Variants in LRRCC1 observed in about 807,000 individuals in gnomAD.
LRRCC1 encodes leucine rich repeat and coiled-coil centrosomal protein 1.
In LRRCC1, 115 loss-of-function variants were observed where a neutral mutation model predicts 126.0. That is an observed-to-expected ratio of 0.91 (90% CI 0.78 to 1.07). The LOEUF (loss-of-function observed/expected upper bound fraction) is 1.07, where lower values mean the gene tolerates loss of function less well. Among genes scored for constraint, LRRCC1 ranks in the 50% least tolerant of loss-of-function variants. The pLI, the probability that LRRCC1 is intolerant of heterozygous loss-of-function variation, is 0.00. For missense variants in LRRCC1, 1,172 were observed against 1,175.7 expected (o/e 1.00, Z 0.05); for synonymous variants, 400 against 393.4 (o/e 1.02, Z -0.20).
chr8:85,143,863 T>G (rs1811435779), intron 18 of LRRCC1, among the ~76,000 whole-genome samples: 1 of 152,100 alleles, frequency 6.6e-6, no homozygotes, highest in African/African-American at 2.4e-5. Flanking sequence ...AATATGATAA[T>G]TAGGTTTGCA....
chr8:85,107,954 ATATT>A (rs1278424620), intron 1 of LRRCC1, among the ~76,000 whole-genome samples: 1 of 152,232 alleles, frequency 6.6e-6, no homozygotes, highest in African/African-American at 2.4e-5. Flanking sequence ...TAAACTTACT[ATATT>A]TAGTTCATCG....
At chr8:85,126,041 C>T (rs1032062066) in intron 8 of LRRCC1, among the ~76,000 whole-genome samples, 2 of 152,046 alleles carry the variant, frequency 1.3e-5, no homozygotes, top group African/African-American at 2.4e-5. Flanking sequence ...CAAGTTTGTT[C>T]GAGATTAGAT....
chr8:85,125,635 T>C (rs1809925626), intron 8 of LRRCC1, among the ~76,000 whole-genome samples: 2 of 119,200 alleles, frequency 1.7e-5, no homozygotes, highest in South Asian at 5.8e-4. Flanking sequence ...ATCCCGCCAC[T>C]GCACTCCAGC....
intron 6 of LRRCC1, among the ~76,000 whole-genome samples, chr8:85,118,420 G>A (rs548727658): frequency 1.3e-5 from 2 of 152,132 alleles, no homozygotes; most frequent in South Asian, 2.1e-4. Context: ...GGGTTATAGG[G>A]TAGATGTATG....
chr8:85,144,275 C>G (rs1459947581), intron 18 of LRRCC1, among the ~76,000 whole-genome samples: 1 of 151,708 alleles, frequency 6.6e-6, no homozygotes, highest in East Asian at 1.9e-4. Context: ...ACTTGTGACT[C>G]AGCATTGATA....
At chr8:85,117,061 T>A (rs568331509) in intron 6 of LRRCC1, among the ~76,000 whole-genome samples, 1 of 152,318 alleles carries the variant, frequency 6.6e-6, no homozygotes, top group African/African-American at 2.4e-5. Context: ...CAGTGAAAAC[T>A]TAGATTGAAG....
chr8:85,126,473 G>A (rs1037567100), intron 8 of LRRCC1, among the ~76,000 whole-genome samples: 3 of 152,170 alleles, frequency 2.0e-5, no homozygotes, highest in Non-Finnish European at 4.4e-5. Flanking sequence ...CAGAAGAATT[G>A]CTGGAATCCA....
At chr8:85,108,942 C>T (rs1232769957) in intron 1 of LRRCC1, 1 of 152,180 alleles carries the variant, frequency 6.6e-6, no homozygotes, top group Non-Finnish European at 1.5e-5. Context: ...TAACTTTCAA[C>T]AAGGGAGGAC....
chr8:85,115,870 A>G (rs1219147167), intron 6 of LRRCC1, among the ~76,000 whole-genome samples: 1 of 152,112 alleles, frequency 6.6e-6, no homozygotes, highest in Non-Finnish European at 1.5e-5. Flanking sequence ...CCCAACTTTT[A>G]TTTCCACCGT....
At chr8:85,115,054 C>CT (rs768650424) in intron 4 of LRRCC1, 46 bp from the exon 5 acceptor site, 8 of 1,429,862 alleles carry the variant, frequency 5.6e-6, no homozygotes, top group Middle Eastern at 1.9e-4. Context: ...AAATAATTGA[C>CT]TTTTTTTAAT....
intron 17 of LRRCC1, among the ~76,000 whole-genome samples, chr8:85,139,280 C>T (rs899659685): frequency 3.2e-4 from 49 of 152,022 alleles, no homozygotes; most frequent in African/African-American, 1.1e-3. Flanking sequence ...GTTTGTTTTT[C>T]CGAGACTGAG....
rs897660111 is a variant in LRRCC1 at position 85,109,714 on chromosome 8, A to G, written c.224A>G (p.Asn75Ser). Residue 75 changes from asparagine to serine, a missense_variant, in exon 2 of 19, where the codon AAT becomes AGT. Transcript: ENST00000360375. ...TTACAACATCTAGATCTGTCATCTA[A>G]TCAAATAAGTAGAATTGAAGGACTA... ...WNLQHLDLSS[N>S]QISRIEGLNT... The G allele has an allele frequency of 3.1e-6, 5 of 1,603,230 alleles. No homozygotes were observed. The African/African-American group carries it at 6.7e-5, about 21-fold the overall frequency.
rs573481162 is a variant in LRRCC1, at chr8:85,114,974, G to A, written c.545-126G>A. The A allele has an allele frequency of 4.0e-5, 26 of 645,946 alleles. No homozygotes were observed. The East Asian group carries it at 7.1e-4, about 18-fold the overall frequency. The allele number at this position is 645,946 out of a possible 1,614,324, so 40.0% of individuals were successfully genotyped here. A position where few individuals can be genotyped will look rare whatever the true frequency, so the allele number is the denominator to read the frequency against. On this transcript the variant is annotated intron_variant, in intron 4 of 18. Coordinates refer to ENST00000360375, the MANE Select transcript of LRRCC1 (RefSeq NM_033402.5). ...GCTGCAGAAGTTGAATAAGTAACAA[G>A]TTTATTATTTGCTTTCTGGAACTAT...
intron 11 of LRRCC1, among the ~76,000 whole-genome samples, chr8:85,130,458 A>G (rs1452777701): frequency 6.6e-6 from 1 of 151,982 alleles, no homozygotes; most frequent in Non-Finnish European, 1.5e-5. Context: ...ACCAGTATTT[A>G]AAGATAGTGA....
rs756264306 is a variant in LRRCC1, at chr8:85,131,940, T to C, written c.1947T>C (p.Val649=). 62 of 1,611,824 alleles carry C rather than the reference T, an allele frequency of 3.8e-5. No individual in the cohort carries two copies. In the Admixed American group the frequency reaches 1.0e-3, roughly 27 times the overall value. ...ATGAATTCCGTATTGCTTTAACTGT[T>C]GAAGCCAGAAGATTTCAAGATGTAA... ...LENEFRIALT[V]EARRFQDVKD... The change falls in exon 12 of 19, where the codon GTT becomes GTC. Residue 649 remains valine, a synonymous_variant. Transcript: ENST00000360375.
intron 1 of LRRCC1, chr8:85,108,585 A>T (rs1808449105): frequency 6.6e-6 from 1 of 152,238 alleles, no homozygotes; most frequent in East Asian, 1.9e-4. Context: ...TGTCATTAAG[A>T]GCATGTGTTA....
At chr8:85,110,374 T>G (rs1458045742) in intron 3 of LRRCC1, among the ~76,000 whole-genome samples, 194 bp downstream of exon 3, 3 of 152,190 alleles carry the variant, frequency 2.0e-5, no homozygotes, top group Non-Finnish European at 4.4e-5. Flanking sequence ...AAAATAGAAG[T>G]TAAAACCAAG....
In LRRCC1 at chr8:85,144,792, C is replaced by T. The variant is rs1235646285; in HGVS notation, c.2977-597C>T. On this transcript the variant is annotated intron_variant, in intron 18 of 18. Coordinates refer to ENST00000360375, the MANE Select transcript of LRRCC1 (RefSeq NM_033402.5). ...TTAAAATATATTGCCATGTCTTGGC[C>T]AGGCGTAGTGGCTCACACCTGTAAT... Among the ~76,000 whole-genome samples, 3 of 137,932 alleles carry T rather than the reference C, an allele frequency of 2.2e-5. 1 individual carries two copies. Among genetic ancestry groups the T allele is most frequent in the East Asian group, 4.9e-4 (2 of 4,078 alleles). 90.5% of individuals were successfully genotyped at this position (137,932 alleles called of 152,430 possible).
chr8:85,109,109 G>A (rs1316394664), intron 1 of LRRCC1: 2 of 153,610 alleles, frequency 1.3e-5, no homozygotes, highest in Admixed American at 1.3e-4. Flanking sequence ...GCAAGAATTT[G>A]GGCAAGCTAT....
Sources: allele counts gnomAD v4.1 joint callset (sites outside exome capture counted in the v4.1 genomes callset), GRCh38; gene constraint gnomAD v4.1.1; transcripts MANE v1.5; gene names NCBI Gene and HGNC (gene_info 2026-07-23, HGNC 2026-07-21).